The following SLFN12L variants were observed in gnomAD, a reference collection of about 807,000 sequenced individuals.
SLFN12L encodes the protein schlafen family member 12-like.
A neutral mutation model predicts 34.8 loss-of-function variants in SLFN12L; 34 were observed. The ratio of observed to expected loss-of-function variants is 0.98; its 90% CI spans 0.74 to 1.30. The LOEUF (loss-of-function observed/expected upper bound fraction) is 1.30, where lower values mean the gene tolerates loss of function less well. SLFN12L is among the 50% of genes most tolerant of loss of function. The probability of loss-of-function intolerance (pLI) is 0.00; values close to 1 mark genes in which losing one functional copy is unlikely to be tolerated. For missense variants in SLFN12L, 703 were observed against 696.2 expected (o/e 1.01, Z -0.11); for synonymous variants, 259 against 247.5 (o/e 1.05, Z -0.44).
chr17:35,490,927 GA>G, intron 2 of SLFN12L: 1 of 793,424 alleles, frequency 1.3e-6, no homozygotes. Context: ...ACCCCAATGG[GA>G]ATATCCTTAA....
chr17:35,490,147 G>A, intron 2 of SLFN12L: 1 of 1,606,884 alleles, frequency 6.2e-7, no homozygotes, highest in Non-Finnish European at 8.5e-7. Context: ...CCACGCCGCA[G>A]GGACCCTCCA....
At position 35,471,989 on chromosome 17, in the gene SLFN12L, A is replaced by C. The variant is rs1296885262; in HGVS notation, c.*2934T>G. 6.6e-6 allele frequency among the ~76,000 whole-genome samples: 1 copy of C among 151,692 alleles called. No homozygotes were observed. The highest frequency in any genetic ancestry group is 2.4e-5 in the African/African-American group (1 of 41,256). On this transcript the variant is annotated 3_prime_UTR_variant, in exon 5 of 5. Transcript: ENST00000628453. ...TTTGTCAGATGGGTAGATTGCAAAA[A>C]TTTTCTCCCATTCTGTAGGTTGTCC...
rs772750708 is a variant in SLFN12L at position 35,471,794 on chromosome 17, T to A, written c.*3129A>T. 6.6e-6 allele frequency among the ~76,000 whole-genome samples: 1 copy of A among 152,226 alleles called. No homozygotes were observed. Among genetic ancestry groups the A allele is most frequent in the African/African-American group, 2.4e-5 (1 of 41,460 alleles). On this transcript the variant is annotated 3_prime_UTR_variant, in exon 5 of 5. Coordinates refer to ENST00000628453, the MANE Select transcript of SLFN12L (RefSeq NM_001363830.2). ...GATGGTGTCTCATTGTGGTTTTGAT[T>A]TGCATTTCTCTAATGATAAGTGATG...
intron 2 of SLFN12L, among the ~76,000 whole-genome samples, chr17:35,495,943 A>T (rs1026390933): frequency 9.8e-5 from 13 of 133,300 alleles, no homozygotes; most frequent in Admixed American, 8.9e-4. Flanking sequence ...ACACACACAC[A>T]CACAACAAAA....
intron 2 of SLFN12L, chr17:35,498,276 C>T: frequency 1.3e-6 from 1 of 788,820 alleles, no homozygotes; most frequent in Non-Finnish European, 2.3e-6. Flanking sequence ...CAAACGCTGG[C>T]AGTACGTGGA....
At position 35,464,695 on chromosome 17, in the gene SLFN12L, C is replaced by T. The variant is rs1913694011; in HGVS notation, c.*10228G>A. ...TGATGAGCATTTAGGTTAATATAGA[C>T]ATAATGAATAGATTGTACATGTACA... On this transcript the variant is annotated 3_prime_UTR_variant, in exon 5 of 5. Coordinates refer to ENST00000628453, the MANE Select transcript of SLFN12L (RefSeq NM_001363830.2). The T allele has an allele frequency of 2.0e-5, 3 of 151,914 alleles. No individual in the cohort carries two copies. Among genetic ancestry groups the T allele is most frequent in the African/African-American group, 7.3e-5 (3 of 41,314 alleles). The allele number at this position is 151,914 out of a possible 1,614,324, so 9.4% of individuals were successfully genotyped here.
At chr17:35,496,038 C>G (rs1915057563) in intron 2 of SLFN12L, among the ~76,000 whole-genome samples, 1 of 151,980 alleles carries the variant, frequency 6.6e-6, no homozygotes, top group African/African-American at 2.4e-5. Context: ...GAGGTCTCGC[C>G]TATTCCTGGG....
intron 2 of SLFN12L, among the ~76,000 whole-genome samples, chr17:35,502,798 A>G (rs1413454860): frequency 6.6e-6 from 1 of 152,198 alleles, no homozygotes; most frequent in African/African-American, 2.4e-5. Flanking sequence ...GACATAAAGG[A>G]AGTTTGCTTT....
chr17:35,473,077 T>C lies in SLFN12L; in HGVS notation c.*1846A>G, dbSNP rs550471926. 3.3e-5 allele frequency among the ~76,000 whole-genome samples: 5 copies of C among 152,328 alleles called. No homozygotes were observed. The South Asian group carries it at 1.0e-3, about 32-fold the overall frequency. On this transcript the variant is annotated 3_prime_UTR_variant, in exon 5 of 5. Transcript: ENST00000628453. ...CTGAGATGATGGGATTTTCTAGATA[T>C]AAAATCATCTCATCTACAAATAAAG... is the stretch of plus-strand genomic sequence containing the variant.
At chr17:35,530,829 A>G (rs2072404468) in intron 1 of SLFN12L, among the ~76,000 whole-genome samples, 1 of 152,160 alleles carries the variant, frequency 6.6e-6, no homozygotes, top group Non-Finnish European at 1.5e-5. Flanking sequence ...TTGACTATGC[A>G]TTCGTGCATG....
chr17:35,465,503 T>C lies in SLFN12L; in HGVS notation c.*9420A>G, dbSNP rs1330760975. 1.3e-5 allele frequency among the ~76,000 whole-genome samples: 2 copies of C among 152,050 alleles called. No homozygotes were observed. The highest frequency in any genetic ancestry group is 2.9e-5 in the Non-Finnish European group (2 of 68,026). On this transcript the variant is annotated 3_prime_UTR_variant, in exon 5 of 5. Coordinates refer to ENST00000628453, the MANE Select transcript of SLFN12L (RefSeq NM_001363830.2). ...AAATTGGCTTGATAAAATAGGATTA[T>C]ATAAATCCCATTAAAATAGTTAATA...
intron 2 of SLFN12L, among the ~76,000 whole-genome samples, chr17:35,519,401 C>G (rs537881999): frequency 7.1e-4 from 108 of 152,144 alleles, no homozygotes; most frequent in African/African-American, 2.5e-3. Flanking sequence ...AATACTAGAA[C>G]AATTTGAGGA....
Position 35,474,688 on chromosome 17 carries a change from G to T in SLFN12L, c.*235C>A, listed in dbSNP as rs746592230. 1.6e-5 allele frequency: 2 copies of T among 126,470 alleles called. No homozygotes were observed. The highest frequency in any genetic ancestry group is 1.0e-4 in the Admixed American group (1 of 9,794). The allele number at this position is 126,470 out of a possible 1,614,324, so 7.8% of individuals were successfully genotyped here. On this transcript the variant is annotated 3_prime_UTR_variant, in exon 5 of 5. Transcript: ENST00000628453. ...TGTACTCCTAGCACTTTGGGAGACC[G>T]GGGGGGGGGGTTGAATCACGAGGTC...
At position 35,522,535 on chromosome 17, in the gene SLFN12L, T is replaced by A. The variant is rs1360704143; in HGVS notation, c.-171A>T. On this transcript the variant is annotated 5_prime_UTR_variant, in exon 2 of 5. Transcript: ENST00000628453. ...AGAGACCTGAAGCCGAGCAAGACAA[T>A]CACGAGGGACTGCAGCAGGGCTTCC... 29 of 1,611,990 alleles carry A rather than the reference T, an allele frequency of 1.8e-5. No homozygotes were observed. The highest frequency in any genetic ancestry group is 2.4e-5 in the Non-Finnish European group (28 of 1,178,928).
intron 2 of SLFN12L, among the ~76,000 whole-genome samples, chr17:35,482,776 C>T (rs1051835452): frequency 6.6e-5 from 10 of 152,226 alleles, no homozygotes; most frequent in East Asian, 5.8e-4. Flanking sequence ...TCAAAGGCGG[C>T]GGGTCCCCAG....
At position 35,480,185 on chromosome 17, in the gene SLFN12L, G is replaced by A. The variant is rs1278515366; in HGVS notation, c.97C>T (p.Leu33=). 5 of 1,581,672 alleles carry A rather than the reference G, an allele frequency of 3.2e-6. No individual in the cohort carries two copies. The Admixed American group carries it at 9.3e-5, about 29-fold the overall frequency. ...CCAGCAGCTAAGCCATTTCCACGCA[G>A]AAATTCTTTTCTGTAAAATAGAGCC... ...FLRNFIRKEF[L]RGNGLAAGKM... The change falls in exon 3 of 5, where the codon CTG becomes TTG. Residue 33 remains leucine, a synonymous_variant. Coordinates refer to ENST00000628453, the MANE Select transcript of SLFN12L (RefSeq NM_001363830.2).
In SLFN12L at chr17:35,468,167, T is replaced by A. The variant is rs767957959; in HGVS notation, c.*6756A>T. ...CTCAAGCAATGCACCTGCTTTGGCC[T>A]CTCAAAGTGCTGGGATTACAGGCAT... On this transcript the variant is annotated 3_prime_UTR_variant, in exon 5 of 5. Transcript: ENST00000628453. Among the ~76,000 whole-genome samples, 5 of 152,200 alleles carry A rather than the reference T, an allele frequency of 3.3e-5. No homozygotes were observed. The highest frequency in any genetic ancestry group is 5.9e-5 in the Non-Finnish European group (4 of 68,026).
Position 35,473,058 on chromosome 17 carries a change from T to A in SLFN12L, c.*1865A>T, listed in dbSNP as rs1284619751. Among the ~76,000 whole-genome samples, 1 of 152,206 alleles carries A rather than the reference T, an allele frequency of 6.6e-6. No homozygotes were observed. The highest frequency in any genetic ancestry group is 1.5e-5 in the Non-Finnish European group (1 of 68,034). On this transcript the variant is annotated 3_prime_UTR_variant, in exon 5 of 5. Transcript: ENST00000628453. ...AGCTTAAGGAATTTGGAGGCTGAGATGATGGGATTTTCTAGATATAAAATC... is the reference window on the plus strand; with the variant it reads ...AGCTTAAGGAATTTGGAGGCTGAGAAGATGGGATTTTCTAGATATAAAATC...
intron 2 of SLFN12L, among the ~76,000 whole-genome samples, chr17:35,496,583 C>G (rs1215582314): frequency 1.3e-5 from 2 of 149,420 alleles, no homozygotes; most frequent in African/African-American, 4.9e-5. Context: ...CTTCCCTTCT[C>G]CCTGGAAGGA....
Sources: allele counts gnomAD v4.1 joint callset (sites outside exome capture counted in the v4.1 genomes callset), GRCh38; gene constraint gnomAD v4.1.1; transcripts MANE v1.5; gene names NCBI Gene and HGNC (gene_info 2026-07-23, HGNC 2026-07-21).